Variants in PRKN observed in about 807,000 individuals in gnomAD.
PRKN encodes the protein parkin RBR E3 ubiquitin protein ligase.
PRKN carries 56 observed loss-of-function variants against 59.5 expected under a neutral mutation model. That is an observed-to-expected ratio of 0.94 (90% CI 0.76 to 1.18). The LOEUF (loss-of-function observed/expected upper bound fraction) is 1.18, where lower values mean the gene tolerates loss of function less well. Among genes scored for constraint, PRKN ranks in the 50% most tolerant of loss-of-function variants. PRKN has a pLI of 0.00. For synonymous variants in PRKN, 250 were observed against 222.1 expected, an observed-to-expected ratio of 1.13 and a Z score of -1.12; for missense variants, 657 against 596.4, an observed-to-expected ratio of 1.10 and a Z score of -1.06.
At chr6:161,962,631 G>C (rs149488162) in intron 6 of PRKN, among the ~76,000 whole-genome samples, 1,759 of 150,728 alleles carry the variant, frequency 0.012, 26 homozygotes, top group African/African-American at 0.041. Context: ...CCACCTCCCA[G>C]GTTCAAGTGA....
intron 4 of PRKN, among the ~76,000 whole-genome samples, chr6:162,075,061 T>C (rs1054454798): frequency 2.0e-5 from 3 of 152,200 alleles, no homozygotes; most frequent in Non-Finnish European, 4.4e-5. Context: ...TCTTCGTCTG[T>C]TCAAGCTTCC....
At chr6:162,511,604 G>A (rs546023400) in intron 1 of PRKN, among the ~76,000 whole-genome samples, 2 of 152,178 alleles carry the variant, frequency 1.3e-5, no homozygotes, top group South Asian at 4.2e-4. Context: ...TATTGTTCAT[G>A]GACTATTAAT....
At chr6:162,265,606 A>G (rs577631690) in intron 2 of PRKN, among the ~76,000 whole-genome samples, 1 of 152,232 alleles carries the variant, frequency 6.6e-6, no homozygotes, top group East Asian at 1.9e-4. Flanking sequence ...CAGGAGAATC[A>G]CTTAAACCCA....
intron 1 of PRKN, among the ~76,000 whole-genome samples, chr6:162,476,514 G>A (rs574800215): frequency 3.3e-5 from 5 of 152,158 alleles, no homozygotes; most frequent in South Asian, 2.1e-4. Flanking sequence ...TCTCAATCCC[G>A]TTTGTATAGG....
chr6:161,873,173 G>A (rs1188551395), intron 6 of PRKN, among the ~76,000 whole-genome samples: 2 of 151,788 alleles, frequency 1.3e-5, no homozygotes, highest in African/African-American at 4.8e-5. Flanking sequence ...GTTGCAGTCA[G>A]TGTGTGTCTC....
chr6:161,807,588 C>T (rs889280450), intron 6 of PRKN, among the ~76,000 whole-genome samples: 1 of 152,188 alleles, frequency 6.6e-6, no homozygotes, highest in Non-Finnish European at 1.5e-5. Flanking sequence ...CCTTTCTTGC[C>T]TCTTCCTGGC....
At chr6:162,576,285 T>A (rs1436730321) in intron 1 of PRKN, among the ~76,000 whole-genome samples, 2 of 152,170 alleles carry the variant, frequency 1.3e-5, no homozygotes, top group African/African-American at 2.4e-5. Context: ...GCCTGGACAG[T>A]TAGACACAAT....
chr6:162,419,152 G>A (rs545615487), intron 2 of PRKN, among the ~76,000 whole-genome samples: 1 of 152,156 alleles, frequency 6.6e-6, no homozygotes, highest in African/African-American at 2.4e-5. Context: ...TGGCTTGGAT[G>A]TTCTAATTAC....
At chr6:161,813,516 TCATC>T (rs1034152633) in intron 6 of PRKN, among the ~76,000 whole-genome samples, 2 of 152,118 alleles carry the variant, frequency 1.3e-5, no homozygotes, top group African/African-American at 4.8e-5. Context: ...TAAGGTAAAT[TCATC>T]CATCCACAGA....
At chr6:162,432,209 A>C (rs1200501851) in intron 2 of PRKN, among the ~76,000 whole-genome samples, 1 of 152,152 alleles carries the variant, frequency 6.6e-6, no homozygotes, top group Non-Finnish European at 1.5e-5. Context: ...ATATGACATA[A>C]GCAATATTAA....
intron 5 of PRKN, among the ~76,000 whole-genome samples, chr6:162,005,174 A>G (rs999140357): frequency 1.3e-5 from 2 of 152,228 alleles, no homozygotes; most frequent in Non-Finnish European, 2.9e-5. Context: ...AAGGGAAATG[A>G]CAACATATTT....
intron 5 of PRKN, among the ~76,000 whole-genome samples, chr6:162,028,696 A>G (rs1184509532): frequency 6.6e-6 from 1 of 152,236 alleles, no homozygotes; most frequent in Non-Finnish European, 1.5e-5. Context: ...AGAGCCCAGC[A>G]TGTCTGGGCA....
chr6:162,376,696 A>G (rs767164089), intron 2 of PRKN, among the ~76,000 whole-genome samples: 11 of 143,916 alleles, frequency 7.6e-5, no homozygotes, highest in Non-Finnish European at 1.5e-4. Flanking sequence ...AGAAATGGAC[A>G]CACGGAGAGA....
chr6:162,225,897 T>C (rs1313475118), intron 3 of PRKN, among the ~76,000 whole-genome samples: 1 of 148,936 alleles, frequency 6.7e-6, no homozygotes, highest in Non-Finnish European at 1.5e-5. Flanking sequence ...TATATATATA[T>C]ATATATATAC....
chr6:162,460,136 T>C (rs1414100051), intron 1 of PRKN, among the ~76,000 whole-genome samples: 1 of 152,202 alleles, frequency 6.6e-6, no homozygotes, highest in Non-Finnish European at 1.5e-5. Flanking sequence ...AATTAACCAA[T>C]GATATATGCA....
intron 7 of PRKN, among the ~76,000 whole-genome samples, chr6:161,603,213 G>A (rs903961579): frequency 6.6e-6 from 1 of 152,088 alleles, no homozygotes; most frequent in African/African-American, 2.4e-5. Context: ...ATCAGACAGA[G>A]GTGGCTCTAA....
chr6:162,039,425 T>G (rs1296399648), intron 5 of PRKN, among the ~76,000 whole-genome samples: 1 of 152,166 alleles, frequency 6.6e-6, no homozygotes, highest in African/African-American at 2.4e-5. Flanking sequence ...ATGAATGGCT[T>G]AGTGCCATTC....
At chr6:161,743,655 G>A (rs904620437) in intron 7 of PRKN, among the ~76,000 whole-genome samples, 5 of 152,026 alleles carry the variant, frequency 3.3e-5, no homozygotes, top group African/African-American at 7.2e-5. Context: ...CTGCAAGGCC[G>A]GGAGTGAGCT....
At position 162,605,221 on chromosome 6, in the gene PRKN, A is replaced by G. The variant is rs980976576; in HGVS notation, c.7+122441T>C. Among the ~76,000 whole-genome samples, 17 of 152,106 alleles carry G rather than the reference A, an allele frequency of 1.1e-4. 1 individual carries two copies. The highest frequency in any genetic ancestry group is 4.1e-4 in the African/African-American group (17 of 41,560). Reference sequence around the variant, plus strand: ...AAATATAGACTAAATGGAAAGCTCCAGTAAGAATAGAGAAGATTAACTAAC... The same window carrying G: ...AAATATAGACTAAATGGAAAGCTCCGGTAAGAATAGAGAAGATTAACTAAC... On this transcript the variant is annotated intron_variant, in intron 1 of 11. Coordinates refer to ENST00000366898, the MANE Select transcript of PRKN (RefSeq NM_004562.3).
Sources: allele counts gnomAD v4.1 joint callset (sites outside exome capture counted in the v4.1 genomes callset), GRCh38; gene constraint gnomAD v4.1.1; transcripts MANE v1.5; gene names NCBI Gene and HGNC (gene_info 2026-07-23, HGNC 2026-07-21).